The following ADAM8 variants were observed in gnomAD, a reference collection of about 807,000 sequenced individuals.
The protein encoded by ADAM8 is ADAM metallopeptidase domain 8.
In ADAM8, 104 loss-of-function variants were observed where a neutral mutation model predicts 102.4. The ratio of observed to expected loss-of-function variants is 1.02; its 90% CI spans 0.87 to 1.20. The LOEUF (loss-of-function observed/expected upper bound fraction) is 1.20. ADAM8 is among the 50% of genes most tolerant of loss of function. ADAM8 has a pLI of 0.00. For synonymous variants in ADAM8, 517 were observed against 485.2 expected (o/e 1.07, Z -0.86); for missense variants, 1,132 against 1,159.0 (o/e 0.98, Z 0.34).
chr10:133,267,870 G>A (rs936668929), intron 20 of ADAM8, 59 bp downstream of exon 20: 59 of 1,249,776 alleles, frequency 4.7e-5, no homozygotes, highest in Non-Finnish European at 5.7e-5. Flanking sequence ...ACTTGGGGTC[G>A]CAGGATGGGG....
Position 133,270,737 on chromosome 10 carries a change from T to C in ADAM8, c.1633A>G (p.Arg545Gly). 1 of 1,602,814 alleles carries C rather than the reference T, an allele frequency of 6.2e-7. No homozygotes were observed. The highest frequency in any genetic ancestry group is 1.1e-5 in the South Asian group (1 of 90,346). Reference sequence around the variant, plus strand: ...GGGCCCAGGGCGGTCTCAGCTCACCTGTACCGGCTGGCCTTGCAGCCTGGT... The same window carrying C: ...GGGCCCAGGGCGGTCTCAGCTCACCCGTACCGGCTGGCCTTGCAGCCTGGT... Reference protein sequence around the residue: ...ILPGCKASRYRADMCGVLQCK... With the variant: ...ILPGCKASRYGADMCGVLQCK... Residue 545 changes from arginine (R) to glycine (G), a missense_variant and splice_region_variant, in exon 15 of 23, where the codon AGG becomes GGG. Physicochemically the swap from Arg to Gly is moderately radical, Grantham distance 125. Transcript: ENST00000445355.
intron 13 of ADAM8, 56 bp from the exon 14 acceptor site, chr10:133,271,126 C>A: frequency 1.9e-6 from 3 of 1,592,734 alleles, no homozygotes; most frequent in Non-Finnish European, 2.6e-6. Flanking sequence ...GCTGCCTGGT[C>A]CCTGGTGCCC....
intron 9 of ADAM8, 42 bp downstream of exon 9, chr10:133,272,374 C>T (rs1846563004): frequency 9.1e-7 from 1 of 1,103,164 alleles, no homozygotes; most frequent in African/African-American, 1.6e-5. Context: ...TGCCCGCCCT[C>T]CCTCCCCAGC....
At position 133,263,721 on chromosome 10, in the gene ADAM8, G is replaced by A. The variant is rs189433072; in HGVS notation, c.2364C>T (p.Pro788=). 203 of 1,551,458 alleles carry A rather than the reference G, an allele frequency of 1.3e-4. 1 individual carries two copies. The East Asian group carries it at 3.9e-3, about 30-fold the overall frequency. ...TFAPPVPPVK[P]GAGAANPGPA... Reference sequence around the variant, plus strand: ...GACCAGGGTTGGCCGCACCAGCCCCGGGTTTGACTGGGGGCACTGGGGGTG... The same window carrying A: ...GACCAGGGTTGGCCGCACCAGCCCCAGGTTTGACTGGGGGCACTGGGGGTG... Residue 788 remains proline, a synonymous_variant, in exon 22 of 23, where the codon CCC becomes CCT. Coordinates refer to ENST00000445355, the MANE Select transcript of ADAM8 (RefSeq NM_001109.5).
At chr10:133,264,348 A>G (rs542483016) in intron 21 of ADAM8, among the ~76,000 whole-genome samples, 29 of 152,300 alleles carry the variant, frequency 1.9e-4, no homozygotes, top group African/African-American at 7.0e-4. Context: ...GGCATGAGCC[A>G]ATGCGCCTGG....
intron 1 of ADAM8, chr10:133,275,870 T>G: frequency 2.6e-6 from 1 of 381,742 alleles, no homozygotes; most frequent in Non-Finnish European, 4.7e-6. Context: ...GTCTCCAGGC[T>G]GTCTCAGATC....
In ADAM8 at chr10:133,272,510, T is replaced by G. The variant is rs1171405470; in HGVS notation, c.781A>C (p.Ser261Arg). Reference protein sequence around the residue: ...IWNSQDRFHVSPDPSVTLENL... With the variant: ...IWNSQDRFHVRPDPSVTLENL... ...TCCAGTGTGACACTGGGGTCGGGGC[T>G]GACGTGGAACCTGTCCTGACTATTC... Residue 261 changes from serine (S) to arginine (R), a missense_variant, in exon 9 of 23, where the codon AGC becomes CGC. Ser to Arg is a moderately radical substitution (Grantham distance 110). Transcript: ENST00000445355. The G allele has an allele frequency of 1.3e-5, 21 of 1,612,288 alleles. No individual in the cohort carries two copies. The highest frequency in any genetic ancestry group is 1.8e-5 in the Non-Finnish European group (21 of 1,179,864).
At chr10:133,263,261 T>C in intron 22 of ADAM8, 28 bp from the exon 23 acceptor site, 1 of 1,567,378 alleles carries the variant, frequency 6.4e-7, no homozygotes, top group Non-Finnish European at 8.7e-7. Flanking sequence ...TAATTGATGT[T>C]GAAAAACTAC....
At position 133,272,996 on chromosome 10, in the gene ADAM8, G is replaced by A. The variant is rs749826317; in HGVS notation, c.597C>T (p.Thr199=). 5.0e-6 allele frequency: 8 copies of A among 1,612,836 alleles called. No homozygotes were observed. The highest frequency in any genetic ancestry group is 6.8e-6 in the Non-Finnish European group (8 of 1,179,888). ...CGACCACATACAGCTCCACGTAGCG[G>A]GTCTCTCGGGATGGCAGAGAGTCCT... ...RPGDSLPSRE[T]RYVELYVVVD... is the part of the protein sequence containing the mutation. The change falls in exon 7 of 23, where the codon ACC becomes ACT. Residue 199 remains threonine, a synonymous_variant. Coordinates refer to ENST00000445355, the MANE Select transcript of ADAM8 (RefSeq NM_001109.5).
chr10:133,273,085 AC>A, intron 6 of ADAM8, 66 bp from the exon 7 acceptor site: 2 of 1,607,224 alleles, frequency 1.2e-6, no homozygotes, highest in East Asian at 4.5e-5. Flanking sequence ...TCCCTCAGGG[AC>A]CCGGGGCCAC....
At chr10:133,265,381 C>G (rs2136072411) in intron 21 of ADAM8, among the ~76,000 whole-genome samples, 1 of 152,344 alleles carries the variant, frequency 6.6e-6, no homozygotes, top group South Asian at 2.1e-4. Context: ...AATCTCTCTG[C>G]CCCCTTCAGG....
chr10:133,276,618 T>C (rs1367888096), intron 1 of ADAM8, among the ~76,000 whole-genome samples, 154 bp downstream of exon 1: 1 of 152,150 alleles, frequency 6.6e-6, no homozygotes, highest in Non-Finnish European at 1.5e-5. Flanking sequence ...CAGAGACCAC[T>C]GTGCACCTGA....
At chr10:133,270,339 G>T (rs1328879548) in intron 16 of ADAM8, 21 bp downstream of exon 16, 5 of 1,569,120 alleles carry the variant, frequency 3.2e-6, no homozygotes, top group Non-Finnish European at 4.3e-6. Flanking sequence ...GGGTGGCGCG[G>T]CCTCTGAGCC....
At chr10:133,269,010 T>G in intron 18 of ADAM8, 148 bp from the exon 19 acceptor site, 2 of 1,453,470 alleles carry the variant, frequency 1.4e-6, no homozygotes, top group Non-Finnish European at 1.8e-6. Flanking sequence ...ACACTGGCAC[T>G]CCCAGCTTGC....
At chr10:133,266,968 C>T (rs919216485) in intron 21 of ADAM8, among the ~76,000 whole-genome samples, 3 of 145,148 alleles carry the variant, frequency 2.1e-5, no homozygotes, top group Non-Finnish European at 4.4e-5. Context: ...CCAAAGCCCC[C>T]AAACCCAAGG....
chr10:133,265,057 C>T (rs1476819414), intron 21 of ADAM8, among the ~76,000 whole-genome samples: 1 of 132,920 alleles, frequency 7.5e-6, no homozygotes, highest in South Asian at 2.6e-4. Flanking sequence ...CCCCATCTAC[C>T]TCCACGCCCA....
chr10:133,275,814 T>C, intron 1 of ADAM8: 1 of 464,100 alleles, frequency 2.2e-6, no homozygotes, highest in Non-Finnish European at 3.8e-6. Flanking sequence ...CCACACACAG[T>C]GCTCAGAGAC....
intron 2 of ADAM8, 107 bp downstream of exon 2, chr10:133,275,377 C>A (rs1165954505): frequency 3.6e-6 from 3 of 829,364 alleles, no homozygotes; most frequent in African/African-American, 1.8e-5. Flanking sequence ...ACAGGGCAGC[C>A]CCAGACACCC....
At chr10:133,264,857 A>C (rs1589800187) in intron 21 of ADAM8, among the ~76,000 whole-genome samples, 7 of 111,030 alleles carry the variant, frequency 6.3e-5, no homozygotes, top group Admixed American at 1.9e-4. Flanking sequence ...TGCCCCATCT[A>C]CCTCCACGCC....
Sources: allele counts gnomAD v4.1 joint callset (sites outside exome capture counted in the v4.1 genomes callset), GRCh38; gene constraint gnomAD v4.1.1; transcripts MANE v1.5; gene names NCBI Gene and HGNC (gene_info 2026-07-23, HGNC 2026-07-21).